PLEKHA7: variants seen among roughly 807,000 people sequenced by gnomAD.
PLEKHA7 encodes pleckstrin homology domain containing A7, also known as pleckstrin homology domain-containing family A member 7.
PLEKHA7 carries 104 observed loss-of-function variants against 170.0 expected under a neutral mutation model. The ratio of observed to expected loss-of-function variants is 0.61; its 90% confidence interval spans 0.52 to 0.72. PLEKHA7 has a LOEUF of 0.72. PLEKHA7 is among the 30% of genes least tolerant of loss of function. The pLI, the probability that PLEKHA7 is intolerant of heterozygous loss-of-function variation, is 0.00. For missense variants in PLEKHA7, 1,615 were observed against 1,671.7 expected, an observed-to-expected ratio of 0.97 and a Z score of 0.59; for synonymous variants, 648 against 660.8, an observed-to-expected ratio of 0.98 and a Z score of 0.30.
intron 3 of PLEKHA7, among the ~76,000 whole-genome samples, chr11:16,977,165 G>T (rs1345398492): frequency 2.6e-5 from 4 of 152,138 alleles, no homozygotes; most frequent in Non-Finnish European, 4.4e-5. Context: ...ATGGCCAGAA[G>T]AATCACCTTC....
intron 3 of PLEKHA7, among the ~76,000 whole-genome samples, chr11:17,006,612 G>A (rs1235114636): frequency 5.9e-5 from 8 of 134,632 alleles, no homozygotes; most frequent in African/African-American, 2.2e-4. Flanking sequence ...GGGTGACACA[G>A]CAAGACTCAG....
At chr11:16,938,300 T>C (rs1014444583) in intron 3 of PLEKHA7, among the ~76,000 whole-genome samples, 4 of 152,150 alleles carry the variant, frequency 2.6e-5, no homozygotes, top group African/African-American at 9.7e-5. Context: ...TTCGTCTGCA[T>C]TTATACAAAT....
At chr11:16,984,406 G>A (rs183068181) in intron 3 of PLEKHA7, among the ~76,000 whole-genome samples, 4 of 152,184 alleles carry the variant, frequency 2.6e-5, no homozygotes, top group African/African-American at 2.4e-5. Context: ...GTTCAAAGCC[G>A]TCCAGTGAAT....
intron 8 of PLEKHA7, among the ~76,000 whole-genome samples, chr11:16,848,306 C>G (rs1852631706): frequency 6.6e-6 from 1 of 152,226 alleles, no homozygotes; most frequent in African/African-American, 2.4e-5. Flanking sequence ...ACCCCATAGA[C>G]AATCAGAGTG....
intron 10 of PLEKHA7, among the ~76,000 whole-genome samples, chr11:16,825,864 C>A (rs115914736): frequency 7.7e-4 from 117 of 152,334 alleles, no homozygotes; most frequent in African/African-American, 2.8e-3. Flanking sequence ...GCCTTGGAGG[C>A]TCACAGACCC....
In PLEKHA7 at chr11:16,913,161, G is replaced by A. The variant is rs1174171405; in HGVS notation, c.222-41979C>T. Among the ~76,000 whole-genome samples, 3 of 152,114 alleles carry A rather than the reference G, an allele frequency of 2.0e-5. No individual in the cohort carries two copies. The South Asian group carries it at 6.2e-4, about 32-fold the overall frequency. ...TGTTCTCAAACGCCCCTCCTTGCCT[G>A]GCCATCTTCCTTCACTGTACATTTA... On this transcript the variant is annotated intron_variant, in intron 3 of 26. Coordinates refer to ENST00000531066, the MANE Select transcript of PLEKHA7 (RefSeq NM_001329630.2).
chr11:16,786,777 C>T (rs1389293588), intron 23 of PLEKHA7: 1 of 985,270 alleles, frequency 1.0e-6, no homozygotes, highest in Non-Finnish European at 1.2e-6. Flanking sequence ...GTCCCAGGCT[C>T]AGAATTAATG....
chr11:16,860,473 A>G (rs181325643), intron 4 of PLEKHA7, among the ~76,000 whole-genome samples: 173 of 152,248 alleles, frequency 1.1e-3, no homozygotes, highest in African/African-American at 4.0e-3. Context: ...CACCAAGACA[A>G]TGATCACCAC....
At chr11:16,818,787 C>CT (rs1179848675) in intron 10 of PLEKHA7, among the ~76,000 whole-genome samples, 12 of 49,494 alleles carry the variant, frequency 2.4e-4, no homozygotes, top group Non-Finnish European at 1.4e-4. Context: ...ATCTTATTTT[C>CT]TTTCTTTTTT....
chr11:16,875,033 T>C (rs1855168458), intron 3 of PLEKHA7, among the ~76,000 whole-genome samples: 1 of 152,184 alleles, frequency 6.6e-6, no homozygotes, highest in Admixed American at 6.5e-5. Context: ...ATTCTAACAT[T>C]AGAAGAAAGG....
At chr11:16,936,294 C>A (rs898226313) in intron 3 of PLEKHA7, among the ~76,000 whole-genome samples, 1 of 145,442 alleles carries the variant, frequency 6.9e-6, no homozygotes, top group East Asian at 2.2e-4. Context: ...CCCAGCTACT[C>A]GGGAGGCTGA....
intron 23 of PLEKHA7, chr11:16,786,656 C>T (rs1164658374): frequency 2.4e-5 from 24 of 985,210 alleles, no homozygotes; most frequent in Non-Finnish European, 2.9e-5. Context: ...CACAGTGGTC[C>T]CCAGGGAAAT....
intron 3 of PLEKHA7, among the ~76,000 whole-genome samples, chr11:16,984,873 G>C (rs1464237495): frequency 6.6e-6 from 1 of 152,168 alleles, no homozygotes; most frequent in Non-Finnish European, 1.5e-5. Flanking sequence ...GTTCTTACTA[G>C]CTACTGACTA....
intron 3 of PLEKHA7, among the ~76,000 whole-genome samples, chr11:16,977,268 C>T (rs1863125576): frequency 6.6e-6 from 1 of 152,104 alleles, no homozygotes; most frequent in Admixed American, 6.5e-5. Context: ...GATCCAGTGC[C>T]CAAGGCCTCC....
intron 26 of PLEKHA7, among the ~76,000 whole-genome samples, chr11:16,780,751 T>C (rs181246109): frequency 2.0e-5 from 3 of 152,144 alleles, no homozygotes; most frequent in Admixed American, 1.3e-4. Context: ...CCACTGAGGA[T>C]TGAGTTCCTA....
intron 3 of PLEKHA7, among the ~76,000 whole-genome samples, chr11:16,906,599 AGACG>A (rs1476677630): frequency 7.2e-6 from 1 of 138,864 alleles, no homozygotes; most frequent in African/African-American, 3.2e-5. Context: ...CCGGGATGGC[AGACG>A]GAGTCGCGTT....
chr11:16,841,640 T>C lies in PLEKHA7; in HGVS notation c.779A>G (p.Tyr260Cys), dbSNP rs1423642865. Residue 260 changes from tyrosine to cysteine, a missense_variant, in exon 9 of 27, where the codon TAC becomes TGC. Physicochemically the swap from Tyr to Cys is radical, Grantham distance 194. Coordinates refer to ENST00000531066, the MANE Select transcript of PLEKHA7 (RefSeq NM_001329630.2). ...CTCCTGGGTGTCGGCACTGAAGTAG[T>C]AGGTCCTCATGCCTGACTGCTCGGC... ...SQAEQSGMRTYYFSADTQEDM... is the reference protein window; with the variant it reads ...SQAEQSGMRTCYFSADTQEDM... The C allele has an allele frequency of 5.6e-6, 9 of 1,614,130 alleles. No homozygotes were observed. Among genetic ancestry groups the C allele is most frequent in the South Asian group, 1.1e-5 (1 of 91,084 alleles).
chr11:16,887,626 C>A (rs368797805), intron 3 of PLEKHA7, among the ~76,000 whole-genome samples: 1 of 151,876 alleles, frequency 6.6e-6, no homozygotes, highest in Non-Finnish European at 1.5e-5. Context: ...CAGCTCCTAA[C>A]CGCGAGTGAT....
intron 4 of PLEKHA7, among the ~76,000 whole-genome samples, chr11:16,859,529 G>A (rs754517386): frequency 6.6e-6 from 1 of 152,210 alleles, no homozygotes; most frequent in Non-Finnish European, 1.5e-5. Flanking sequence ...GACATCAACA[G>A]TGCATGTGTA....
Sources: gnomAD v4.1 joint callset for allele counts (sites outside exome capture counted in the v4.1 genomes callset) on GRCh38, gnomAD v4.1.1 for gene constraint, MANE v1.5 for transcripts, NCBI Gene and HGNC (gene_info 2026-07-23, HGNC 2026-07-21) for gene names.